Variants in SLC25A36 observed in about 807,000 individuals in gnomAD.
SLC25A36 encodes epididymis secretory sperm binding protein.
A neutral mutation model predicts 35.3 loss-of-function variants in SLC25A36; 24 were observed. The observed-to-expected ratio is 0.68, with a 90% CI of 0.49 to 0.96. SLC25A36 has a LOEUF of 0.96. Ranked by LOEUF, SLC25A36 falls within the 40% of genes least tolerant of loss-of-function variation. The pLI is 0.00. For missense variants in SLC25A36, 294 were observed against 381.1 expected (o/e 0.77, Z 1.90); for synonymous variants, 141 against 132.2 (o/e 1.07, Z -0.46).
intron 4 of SLC25A36, chr3:140,968,049 T>G (rs543329807): frequency 2.8e-5 from 28 of 984,632 alleles, no homozygotes; most frequent in Middle Eastern, 1.0e-3. Flanking sequence ...ATATAAGTAG[T>G]GGGAAGATAT....
At chr3:140,947,072 G>A (rs758838921) in intron 1 of SLC25A36, among the ~76,000 whole-genome samples, 3 of 152,108 alleles carry the variant, frequency 2.0e-5, no homozygotes, top group Non-Finnish European at 4.4e-5. Context: ...AAAAAATACG[G>A]TATCCTGAAA....
intron 1 of SLC25A36, among the ~76,000 whole-genome samples, chr3:140,948,616 A>T (rs1934231508): frequency 6.6e-6 from 1 of 152,222 alleles, no homozygotes. Context: ...TGAATTCTGA[A>T]GTACCTTTTT....
At chr3:140,957,489 C>G (rs189615466) in intron 2 of SLC25A36, among the ~76,000 whole-genome samples, 388 of 152,290 alleles carry the variant, frequency 2.5e-3, no homozygotes, top group Non-Finnish European at 4.5e-3. Context: ...CGCCCATAAT[C>G]CCAGCACTTT....
intron 2 of SLC25A36, among the ~76,000 whole-genome samples, chr3:140,958,744 TGGC>T (rs1020682882): frequency 6.6e-6 from 1 of 152,138 alleles, no homozygotes; most frequent in Non-Finnish European, 1.5e-5. Flanking sequence ...CATTTCTAAT[TGGC>T]GGGTAGTTAT....
At chr3:140,943,820 T>A (rs1934090549) in intron 1 of SLC25A36, among the ~76,000 whole-genome samples, 1 of 152,220 alleles carries the variant, frequency 6.6e-6, no homozygotes, top group South Asian at 2.1e-4. Flanking sequence ...AATGTTAGCT[T>A]GATTGCACTA....
chr3:140,952,861 TTATTCA>T (rs1334274798), intron 1 of SLC25A36, among the ~76,000 whole-genome samples: 1 of 152,224 alleles, frequency 6.6e-6, no homozygotes, highest in Non-Finnish European at 1.5e-5. Context: ...TTTTTAGAAG[TTATTCA>T]TATTCAAGAA....
chr3:140,950,467 G>A (rs1934289646), intron 1 of SLC25A36, among the ~76,000 whole-genome samples: 1 of 151,874 alleles, frequency 6.6e-6, no homozygotes, highest in South Asian at 2.1e-4. Context: ...ATCATCTTGG[G>A]ACTTCTGTCT....
At position 140,942,092 on chromosome 3, in the gene SLC25A36, G is replaced by C. The variant is rs1187265274; in HGVS notation, c.38G>C (p.Gly13Ala). ...GACACGCTGGTGCATCTGTTTGCCGGAGGGTAAGGTCCTGGCGGGGCGTGC... is the reference window on the plus strand; with the variant it reads ...GACACGCTGGTGCATCTGTTTGCCGCAGGGTAAGGTCCTGGCGGGGCGTGC... ...QRDTLVHLFA[G>A]GCGGTVGAIL... is the part of the protein sequence containing the mutation. Residue 13 changes from glycine (G) to alanine (A), a missense_variant, in exon 1 of 7, where the codon GGA becomes GCA. Around this residue, in one of 2 missense-constraint regions of SLC25A36, gnomAD observed 185 missense variants for 201.5 expected, o/e 0.92. Coordinates refer to ENST00000324194, the MANE Select transcript of SLC25A36 (RefSeq NM_001104647.3). 6.8e-7 allele frequency: 1 copy of C among 1,475,764 alleles called. No individual in the cohort carries two copies. The highest frequency in any genetic ancestry group is 9.1e-7 in the Non-Finnish European group (1 of 1,097,248). The allele number at this position is 1,475,764 out of a possible 1,614,324, so 91.4% of individuals were successfully genotyped here. A position where few individuals can be genotyped will look rare whatever the true frequency, so the allele number is the denominator to read the frequency against.
At chr3:140,964,490 T>G (rs1466887718) in intron 4 of SLC25A36, 1 of 151,934 alleles carries the variant, frequency 6.6e-6, no homozygotes, top group Non-Finnish European at 1.5e-5. Context: ...CATTTAGTGT[T>G]ATAGAGATTA....
At chr3:140,949,747 A>G (rs962462285) in intron 1 of SLC25A36, among the ~76,000 whole-genome samples, 1 of 152,230 alleles carries the variant, frequency 6.6e-6, no homozygotes, top group Non-Finnish European at 1.5e-5. Flanking sequence ...AGACTTGGCT[A>G]TTCTGTCTTT....
rs1935159410 is a variant in SLC25A36, at chr3:140,980,693, T to TCCCC, written c.*4240_*4241insCCCC. 2.2e-5 allele frequency among the ~76,000 whole-genome samples: 1 copy of TCCCC among 44,470 alleles called. No individual in the cohort carries two copies. The highest frequency in any genetic ancestry group is 9.3e-4 in the East Asian group (1 of 1,078). 29.2% of individuals were successfully genotyped at this position (44,470 alleles called of 152,430 possible). The stretch of plus-strand genomic sequence containing the variant: ...GCAAAATGTAATTAAATGTTCCCCC[T>TCCCC]GCCCCCCCCCCCTTTTAATATATAT... On this transcript the variant is annotated 3_prime_UTR_variant, in exon 7 of 7. Transcript: ENST00000324194.
At chr3:140,953,137 T>C (rs1934373507) in intron 1 of SLC25A36, among the ~76,000 whole-genome samples, 2 of 152,186 alleles carry the variant, frequency 1.3e-5, no homozygotes, top group Non-Finnish European at 2.9e-5. Context: ...TGTGTGATGA[T>C]GACTCATGTC....
At chr3:140,945,178 A>T (rs1199427167) in intron 1 of SLC25A36, among the ~76,000 whole-genome samples, 2 of 152,208 alleles carry the variant, frequency 1.3e-5, no homozygotes, top group Non-Finnish European at 2.9e-5. Context: ...ATCCTCACGT[A>T]GTAGGAGAGG....
intron 4 of SLC25A36, chr3:140,964,622 T>A (rs987414600): frequency 1.3e-5 from 2 of 151,948 alleles, no homozygotes; most frequent in African/African-American, 4.8e-5. Flanking sequence ...ACAAACCTTA[T>A]AACCACTTTA....
At chr3:140,968,085 G>A (rs960052819) in intron 4 of SLC25A36, 1 of 984,790 alleles carries the variant, frequency 1.0e-6, no homozygotes, top group African/African-American at 1.7e-5. Flanking sequence ...ACCTCAAATT[G>A]CCTTACCATA....
Position 140,970,955 on chromosome 3 carries a change from C to A in SLC25A36, c.414C>A (p.Pro138=). The A allele has an allele frequency of 6.5e-7, 1 of 1,534,608 alleles. No individual in the cohort carries two copies. The highest frequency in any genetic ancestry group is 9.0e-7 in the Non-Finnish European group (1 of 1,108,800). The change falls in exon 5 of 7, where the codon CCC becomes CCA. Residue 138 remains proline, a synonymous_variant. Coordinates refer to ENST00000324194, the MANE Select transcript of SLC25A36 (RefSeq NM_001104647.3). ...AGFTAITATN[P]IWLIKTRLQL... ...TTACTGCAATCACAGCAACCAACCC[C>A]ATTTGGCTTATAAAGACTCGGTTAC...
At position 140,974,390 on chromosome 3, in the gene SLC25A36, C is replaced by A. The variant is rs910295263; in HGVS notation, c.742+385C>A. On this transcript the variant is annotated intron_variant, in intron 6 of 6. Coordinates refer to ENST00000324194, the MANE Select transcript of SLC25A36 (RefSeq NM_001104647.3). ...TTTTCCCTGTTATGCTAGAACATAACCAGAATTGTTCTCCTTTTCAAATTG... is the reference window on the plus strand; with the variant it reads ...TTTTCCCTGTTATGCTAGAACATAAACAGAATTGTTCTCCTTTTCAAATTG... 2.6e-5 allele frequency among the ~76,000 whole-genome samples: 4 copies of A among 151,648 alleles called. No homozygotes were observed. The Admixed American group carries it at 2.6e-4, about 10-fold the overall frequency.
Position 140,956,682 on chromosome 3 carries a change from A to C in SLC25A36, c.197A>C (p.His66Pro). 1 of 1,609,652 alleles carries C rather than the reference A, an allele frequency of 6.2e-7. No homozygotes were observed. The highest frequency in any genetic ancestry group is 8.5e-7 in the Non-Finnish European group (1 of 1,178,230). The change falls in exon 2 of 7, where the codon CAT becomes CCT. Residue 66 changes from histidine (H) to proline (P), a missense_variant. Physicochemically the swap from His to Pro is moderately conservative, Grantham distance 77. Around this residue, in one of 2 missense-constraint regions of SLC25A36, gnomAD observed 185 missense variants for 201.5 expected, o/e 0.92. Transcript: ENST00000324194. ...VNRVVSPGPL[H>P]CLKVILEKEG... The stretch of plus-strand genomic sequence containing the variant: ...CGAGTAGTGTCTCCCGGACCTCTTC[A>C]TTGCCTAAAGTGAGAGCATAGTATT...
chr3:140,964,304 T>A (rs1559814943), intron 4 of SLC25A36: 1 of 151,924 alleles, frequency 6.6e-6, no homozygotes, highest in Non-Finnish European at 1.5e-5. Context: ...TGTCAGTTGA[T>A]TCACTGAAGC....
Sources: allele counts gnomAD v4.1 joint callset (sites outside exome capture counted in the v4.1 genomes callset), GRCh38; gene constraint gnomAD v4.1.1; regional missense constraint gnomAD v4.1.1; transcripts MANE v1.5; gene names NCBI Gene and HGNC (gene_info 2026-07-23, HGNC 2026-07-21).